DCDC2: variants seen among roughly 807,000 people sequenced by gnomAD.
The protein encoded by DCDC2 is doublecortin domain-containing protein 2.
In DCDC2, 40 loss-of-function variants were observed where a neutral mutation model predicts 50.2. That is an observed-to-expected ratio of 0.80 (90% CI 0.62 to 1.04). The LOEUF (loss-of-function observed/expected upper bound fraction) is 1.04. Among genes scored for constraint, DCDC2 ranks in the 50% least tolerant of loss-of-function variants. The pLI, the probability that DCDC2 is intolerant of heterozygous loss-of-function variation, is 0.00. For missense variants in DCDC2, 570 were observed against 581.9 expected, an observed-to-expected ratio of 0.98 and a Z score of 0.21; for synonymous variants, 234 against 210.6, an observed-to-expected ratio of 1.11 and a Z score of -0.96.
At chr6:24,214,279 C>A (rs1761932116) in intron 7 of DCDC2, among the ~76,000 whole-genome samples, 2 of 152,058 alleles carry the variant, frequency 1.3e-5, no homozygotes, top group African/African-American at 4.8e-5. Context: ...AGTTATTTAA[C>A]CTTAACTTTA....
Position 24,174,504 on chromosome 6 carries a change from ATATTTC to A in DCDC2, c.*220_*225del, listed in dbSNP as rs781039306. The A allele has an allele frequency of 5.6e-4, 186 of 330,692 alleles. No individual in the cohort carries two copies. Among genetic ancestry groups the A allele is most frequent in the Middle Eastern group, 3.3e-3 (4 of 1,198 alleles). The allele number at this position is 330,692 out of a possible 1,614,324, so 20.5% of individuals were successfully genotyped here. A position where few individuals can be genotyped will look rare whatever the true frequency, so the allele number is the denominator to read the frequency against. On this transcript the variant is annotated 3_prime_UTR_variant, in exon 10 of 10. Coordinates refer to ENST00000378454, the MANE Select transcript of DCDC2 (RefSeq NM_016356.5). Reference sequence around the variant, plus strand: ...AATTCTCCTCTGTCCGTCTTATTTAATATTTCTATATGACTTTTAAAACACATGCAA... The same window carrying A: ...AATTCTCCTCTGTCCGTCTTATTTAATATATGACTTTTAAAACACATGCAA...
At chr6:24,279,335 G>A (rs957100578) in intron 6 of DCDC2, among the ~76,000 whole-genome samples, 1 of 152,054 alleles carries the variant, frequency 6.6e-6, no homozygotes, top group African/African-American at 2.4e-5. Flanking sequence ...AGCTACCTAG[G>A]GGGCAAAGGT....
chr6:24,357,787 C>T lies in DCDC2; in HGVS notation c.-37G>A, dbSNP rs374324451. On this transcript the variant is annotated 5_prime_UTR_variant, in exon 1 of 10. Coordinates refer to ENST00000378454, the MANE Select transcript of DCDC2 (RefSeq NM_016356.5). ...GCCGCCGCCTCAGCTCGCTGCTTCG[C>T]GTCGGGAGGCACCTCCGCTGTCCCA... 4.2e-5 allele frequency: 68 copies of T among 1,611,704 alleles called. No homozygotes were observed. The highest frequency in any genetic ancestry group is 5.8e-5 in the Non-Finnish European group (68 of 1,179,166).
rs886803493 is a variant in DCDC2, at chr6:24,273,273, C to T, written c.922+4776G>A. Among the ~76,000 whole-genome samples, 3 of 151,946 alleles carry T rather than the reference C, an allele frequency of 2.0e-5. No homozygotes were observed. The South Asian group carries it at 6.3e-4, about 32-fold the overall frequency. On this transcript the variant is annotated intron_variant, in intron 7 of 9. Transcript: ENST00000378454. ...GGTAGAATGACAGACACTGGAGACT[C>T]GGAAAGGCGGAAGGGTGGGAGCAGG...
Position 24,357,488 on chromosome 6 carries a change from G to A in DCDC2, c.263C>T (p.Ala88Val). 1 of 1,610,038 alleles carries A rather than the reference G, an allele frequency of 6.2e-7. No homozygotes were observed. Among genetic ancestry groups the A allele is most frequent in the South Asian group, 1.1e-5 (1 of 90,870 alleles). Residue 88 changes from alanine (A) to valine (V), a missense_variant, in exon 1 of 10, where the codon GCT (alanine) becomes GTT (valine). Coordinates refer to ENST00000378454, the MANE Select transcript of DCDC2 (RefSeq NM_016356.5). ...TTTCTTGAAGGCTTCCTGGCCTCCA[G>A]CCACGTAATTGCCCCCGCTCTGGAT... The part of the protein sequence containing the change: ...DQIQSGGNYV[A>V]GGQEAFKKLN...
chr6:24,302,517 C>T (rs571958542), intron 2 of DCDC2, among the ~76,000 whole-genome samples: 1 of 152,062 alleles, frequency 6.6e-6, no homozygotes, highest in Non-Finnish European at 1.5e-5. Context: ...ACCCTTTTCT[C>T]TTAAGACTGA....
chr6:24,183,985 C>T (rs144804065), intron 8 of DCDC2, among the ~76,000 whole-genome samples: 67 of 152,262 alleles, frequency 4.4e-4, no homozygotes, highest in Admixed American at 2.8e-3. Flanking sequence ...CGCTCTGTGC[C>T]AAACATCACA....
chr6:24,203,429 C>T (rs1761632353), intron 8 of DCDC2, among the ~76,000 whole-genome samples: 1 of 152,132 alleles, frequency 6.6e-6, no homozygotes, highest in Non-Finnish European at 1.5e-5. Context: ...AACTGGCTAG[C>T]CACATGCAGA....
intron 7 of DCDC2, among the ~76,000 whole-genome samples, chr6:24,261,453 G>A (rs1257988317): frequency 1.3e-5 from 2 of 152,016 alleles, no homozygotes; most frequent in African/African-American, 4.8e-5. Context: ...TGTTCAGCCT[G>A]AGTATGGGAT....
intron 2 of DCDC2, among the ~76,000 whole-genome samples, chr6:24,325,542 G>A (rs1468033210): frequency 6.7e-6 from 1 of 149,504 alleles, no homozygotes; most frequent in Non-Finnish European, 1.5e-5. Flanking sequence ...GTTCCTCAAA[G>A]AAGAATCAAA....
rs527904399 is a variant in DCDC2 at position 24,266,800 on chromosome 6, G to T, written c.922+11249C>A. Among the ~76,000 whole-genome samples, 154 of 152,296 alleles carry T rather than the reference G, an allele frequency of 1.0e-3. 1 individual carries two copies. The South Asian group carries it at 0.012, about 11-fold the overall frequency. On this transcript the variant is annotated intron_variant, in intron 7 of 9. Transcript: ENST00000378454. ...TACCATATGATCCAGTAATCCCACT[G>T]CTAGGGATATACCCAAAAGAAAGGA...
chr6:24,370,884 C>T, the DCDC2 span, among the ~76,000 whole-genome samples: 30 of 151,962 alleles, frequency 2.0e-4, no homozygotes, highest in African/African-American at 5.3e-4. Flanking sequence ...GCACAAAATG[C>T]GGTAAATCCA....
At chr6:24,266,542 G>T (rs1249321293) in intron 7 of DCDC2, among the ~76,000 whole-genome samples, 1 of 151,966 alleles carries the variant, frequency 6.6e-6, no homozygotes, top group Non-Finnish European at 1.5e-5. Flanking sequence ...AGATGACACA[G>T]AAATAGCAAA....
chr6:24,344,961 G>T (rs917468589), intron 2 of DCDC2, among the ~76,000 whole-genome samples: 7 of 152,132 alleles, frequency 4.6e-5, no homozygotes, highest in African/African-American at 1.7e-4. Flanking sequence ...AATATTTTTG[G>T]AAGAATTTGC....
chr6:24,294,571 C>G (rs981379525), intron 4 of DCDC2, among the ~76,000 whole-genome samples: 5 of 151,822 alleles, frequency 3.3e-5, no homozygotes, highest in Admixed American at 1.3e-4. Flanking sequence ...ACATAGGCCA[C>G]CGGCTGAATT....
chr6:24,328,968 G>A (rs1759921910), intron 2 of DCDC2, among the ~76,000 whole-genome samples: 1 of 152,108 alleles, frequency 6.6e-6, no homozygotes, highest in African/African-American at 2.4e-5. Context: ...ATAAACATTA[G>A]TTTTTTCCAG....
intron 8 of DCDC2, 128 bp from the exon 9 acceptor site, chr6:24,178,760 C>T: frequency 1.1e-5 from 10 of 926,506 alleles, no homozygotes; most frequent in Non-Finnish European, 1.6e-5. Flanking sequence ...TAGTACTTTA[C>T]AGTATAGAAC....
intron 7 of DCDC2, among the ~76,000 whole-genome samples, chr6:24,243,557 A>C (rs1762608563): frequency 1.3e-5 from 2 of 152,178 alleles, no homozygotes; most frequent in Admixed American, 6.5e-5. Flanking sequence ...TGTTATTATT[A>C]TTATGGCTCT....
chr6:24,302,281 C>T (rs1759394871), intron 2 of DCDC2, among the ~76,000 whole-genome samples: 1 of 118,512 alleles, frequency 8.4e-6, no homozygotes, highest in South Asian at 3.0e-4. Context: ...AGGCACACTG[C>T]TCATGATCTG....
Sources: allele counts gnomAD v4.1 joint callset (sites outside exome capture counted in the v4.1 genomes callset), GRCh38; gene constraint gnomAD v4.1.1; transcripts MANE v1.5; gene names NCBI Gene and HGNC (gene_info 2026-07-23, HGNC 2026-07-21).